The following KDM5A variants were observed in gnomAD, a reference collection of about 807,000 sequenced individuals.
KDM5A encodes lysine-specific demethylase 5A.
A neutral mutation model predicts 193.5 loss-of-function variants in KDM5A; 42 were observed. That is an observed-to-expected ratio of 0.22 (90% CI 0.17 to 0.28). KDM5A has a LOEUF of 0.28. Ranked by LOEUF, KDM5A falls within the 10% of genes least tolerant of loss-of-function variation. The pLI is 1.00. For missense variants in KDM5A, 1,692 were observed against 2,055.1 expected (o/e 0.82, Z 3.42); for synonymous variants, 796 against 718.1 (o/e 1.11, Z -1.73).
chr12:323,210 C>CAAAAAAAATAAAAAA lies in KDM5A; in HGVS notation c.2151-5_2151-4insTTTTTTATTTTTTTT. Reference sequence around the variant, plus strand: ...GTCTTCTAATGGGTAGCGATATCTACAAAAAAAAAAAAAAAAAAAAAAAAA... The same window carrying CAAAAAAAATAAAAAA: ...GTCTTCTAATGGGTAGCGATATCTACAAAAAAAATAAAAAAAAAAAAAAAAAAAAAAAAAAAAAAA... On this transcript the variant is annotated splice_polypyrimidine_tract_variant and splice_region_variant and intron_variant, in intron 15 of 27. Coordinates refer to ENST00000399788, the MANE Select transcript of KDM5A (RefSeq NM_001042603.3). 1 of 294,574 alleles carries CAAAAAAAATAAAAAA rather than the reference C, an allele frequency of 3.4e-6. No individual in the cohort carries two copies. The highest frequency in any genetic ancestry group is 3.8e-5 in the South Asian group (1 of 26,462). 18.2% of individuals were successfully genotyped at this position (294,574 alleles called of 1,614,324 possible).
chr12:336,043 CA>C (rs753624871), intron 10 of KDM5A, among the ~76,000 whole-genome samples: 741 of 41,992 alleles, frequency 0.018, 2 homozygotes, highest in Non-Finnish European at 0.024. Flanking sequence ...TACTTCATCT[CA>C]AAAAAAAAAA....
chr12:382,361 G>A (rs957659822), intron 3 of KDM5A, among the ~76,000 whole-genome samples: 1 of 151,912 alleles, frequency 6.6e-6, no homozygotes, highest in East Asian at 1.9e-4. Context: ...AACCCGGGAG[G>A]CTGAGGCAGA....
intron 3 of KDM5A, among the ~76,000 whole-genome samples, chr12:373,868 G>A (rs1184958175): frequency 1.3e-5 from 2 of 152,208 alleles, no homozygotes; most frequent in African/African-American, 2.4e-5. Context: ...AGGTTGTTCA[G>A]TTTCCATGTA....
At chr12:365,861 A>G (rs955666640) in intron 4 of KDM5A, 73 bp downstream of exon 4, 56 of 1,501,952 alleles carry the variant, frequency 3.7e-5, no homozygotes, top group Middle Eastern at 1.7e-4. Context: ...AACTTGGGTT[A>G]AACACAGTCT....
At chr12:321,613 A>T (rs1943718151) in intron 17 of KDM5A, among the ~76,000 whole-genome samples, 1 of 152,386 alleles carries the variant, frequency 6.6e-6, no homozygotes, top group African/African-American at 2.4e-5. Context: ...AATGGTAAAT[A>T]AAAAATTTAC....
intron 15 of KDM5A, 27 bp from the exon 16 acceptor site, chr12:323,233 A>AAAAAG: frequency 6.7e-7 from 1 of 1,498,986 alleles, no homozygotes; most frequent in Non-Finnish European, 8.9e-7. Flanking sequence ...AAAAAAAAAA[A>AAAAAG]AAAAAAGAAA....
Position 384,173 on chromosome 12 carries a change from G to A in KDM5A, c.244-20C>T, listed in dbSNP as rs555150776. The A allele has an allele frequency of 6.4e-7, 1 of 1,553,418 alleles. No individual in the cohort carries two copies. ...CATTGCCTAAGATTATTAAAATACA[G>A]AAGAACTAAGTTATGATTGAAATGA... On this transcript the variant is annotated intron_variant, in intron 2 of 27. Transcript: ENST00000399788.
chr12:387,951 C>T (rs1944665103), intron 1 of KDM5A, among the ~76,000 whole-genome samples: 2 of 151,360 alleles, frequency 1.3e-5, no homozygotes, highest in South Asian at 4.2e-4. Flanking sequence ...AGCAAAATGC[C>T]TTTAACAAGC....
At chr12:293,704 G>A (rs899891317) in intron 26 of KDM5A, among the ~76,000 whole-genome samples, 14 of 149,602 alleles carry the variant, frequency 9.4e-5, no homozygotes, top group Non-Finnish European at 1.6e-4. Flanking sequence ...GCTTGATCCC[G>A]GGAGGCGGAG....
At chr12:337,768 G>A (rs551979097) in intron 10 of KDM5A, among the ~76,000 whole-genome samples, 16 of 151,108 alleles carry the variant, frequency 1.1e-4, no homozygotes, top group Admixed American at 2.6e-4. Flanking sequence ...TCAGCCTCCC[G>A]AGTAGCTGGG....
At chr12:329,584 G>C (rs753259579) in intron 13 of KDM5A, among the ~76,000 whole-genome samples, 19 of 151,806 alleles carry the variant, frequency 1.3e-4, no homozygotes, top group Non-Finnish European at 2.6e-4. Flanking sequence ...CAAAACAAAG[G>C]ACAATTTAGA....
chr12:345,606 G>C (rs922434902), intron 10 of KDM5A, among the ~76,000 whole-genome samples: 1 of 152,182 alleles, frequency 6.6e-6, no homozygotes, highest in Non-Finnish European at 1.5e-5. Flanking sequence ...TCAGGATTAA[G>C]AAACTCAAAT....
chr12:383,713 G>A (rs1944604801), intron 3 of KDM5A, among the ~76,000 whole-genome samples: 1 of 151,500 alleles, frequency 6.6e-6, no homozygotes, highest in African/African-American at 2.4e-5. Context: ...ATAACTTTGA[G>A]AACTGTCATT....
At chr12:374,860 T>A (rs140033822) in intron 3 of KDM5A, among the ~76,000 whole-genome samples, 3 of 151,244 alleles carry the variant, frequency 2.0e-5, no homozygotes, top group Non-Finnish European at 4.4e-5. Context: ...TATGAAATTA[T>A]GGGTTGAAAA....
rs1943534413 is a variant in KDM5A at position 308,009 on chromosome 12, T to C, written c.3379-4A>G. 1.2e-6 allele frequency: 2 copies of C among 1,613,648 alleles called. No individual in the cohort carries two copies. The highest frequency in any genetic ancestry group is 1.7e-6 in the Non-Finnish European group (2 of 1,179,834). On this transcript the variant is annotated splice_region_variant and splice_polypyrimidine_tract_variant and intron_variant, in intron 22 of 27. Coordinates refer to ENST00000399788, the MANE Select transcript of KDM5A (RefSeq NM_001042603.3). Reference sequence around the variant, plus strand: ...CCCGTTCTTTGAAAACTGCCACCTGTACAAGACAAACATTTAATTGAAAAG... The same window carrying C: ...CCCGTTCTTTGAAAACTGCCACCTGCACAAGACAAACATTTAATTGAAAAG...
At chr12:382,519 A>T (rs1944586662) in intron 3 of KDM5A, among the ~76,000 whole-genome samples, 1 of 152,146 alleles carries the variant, frequency 6.6e-6, no homozygotes, top group Non-Finnish European at 1.5e-5. Flanking sequence ...ATAAGAATAA[A>T]TTTTTATTTC....
chr12:334,021 T>C (rs1943895108), intron 11 of KDM5A, among the ~76,000 whole-genome samples: 1 of 152,318 alleles, frequency 6.6e-6, no homozygotes, highest in East Asian at 1.9e-4. Flanking sequence ...GACATTTCAA[T>C]TATCCCCACA....
Position 283,718 on chromosome 12 carries a change from A to AAAGGAAAAC in KDM5A, c.*1729_*1737dup, listed in dbSNP as rs1943182444. 4.3e-6 allele frequency: 1 copy of AAAGGAAAAC among 233,124 alleles called. No individual in the cohort carries two copies. Among genetic ancestry groups the AAAGGAAAAC allele is most frequent in the African/African-American group, 2.2e-5 (1 of 45,328 alleles). 14.4% of individuals were successfully genotyped at this position (233,124 alleles called of 1,614,324 possible). On this transcript the variant is annotated 3_prime_UTR_variant, in exon 28 of 28. Coordinates refer to ENST00000399788, the MANE Select transcript of KDM5A (RefSeq NM_001042603.3). ...TAGGTCCACCCCAATCCCCCCTTTA[A>AAAGGAAAAC]AAGGAAAACTGATGAATTTAAGTCA...
chr12:362,826 C>G, intron 5 of KDM5A, 137 bp downstream of exon 5: 1 of 746,390 alleles, frequency 1.3e-6, no homozygotes, highest in African/African-American at 1.7e-5. Flanking sequence ...CCAGGCACAG[C>G]AGCGCATACC....
Sources: allele counts gnomAD v4.1 joint callset (sites outside exome capture counted in the v4.1 genomes callset), GRCh38; gene constraint gnomAD v4.1.1; transcripts MANE v1.5; gene names NCBI Gene and HGNC (gene_info 2026-07-23, HGNC 2026-07-21).